Variants in ACSBG1 observed in about 807,000 individuals in gnomAD.
ACSBG1 encodes the protein acyl-CoA synthetase bubblegum family member 1, also known as long-chain-fatty-acid--CoA ligase ACSBG1.
Under a neutral mutation model 80.2 loss-of-function variants are expected in ACSBG1, and 39 were observed. That is an observed-to-expected ratio of 0.49 (90% CI 0.38 to 0.64). The LOEUF (loss-of-function observed/expected upper bound fraction) is 0.64, where lower values mean the gene tolerates loss of function less well. Ranked by LOEUF, ACSBG1 falls within the 30% of genes least tolerant of loss-of-function variation. The pLI is 0.00. For missense variants in ACSBG1, 828 were observed against 966.4 expected (o/e 0.86, Z 1.90); for synonymous variants, 392 against 379.5 (o/e 1.03, Z -0.38).
Position 78,170,349 on chromosome 15 carries a change from G to C in ACSBG1, c.*1095C>G, listed in dbSNP as rs1044157442. The C allele has an allele frequency of 4.0e-5, 6 of 151,712 alleles. No individual in the cohort carries two copies. The highest frequency in any genetic ancestry group is 1.5e-5 in the Non-Finnish European group (1 of 67,968). 9.4% of individuals were successfully genotyped at this position (151,712 alleles called of 1,614,324 possible). On this transcript the variant is annotated 3_prime_UTR_variant, in exon 14 of 14. Transcript: ENST00000258873. ...CTGTGGCTTTGCAAAATGTACCCAG[G>C]TCACAAGGGGATTTTTTTTTTTTTA... is the stretch of plus-strand genomic sequence containing the variant.
intron 5 of ACSBG1, among the ~76,000 whole-genome samples, chr15:78,185,947 C>T (rs1027307964): frequency 1.3e-5 from 2 of 152,024 alleles, no homozygotes; most frequent in African/African-American, 4.8e-5. Context: ...AAAACAAGCA[C>T]CTTTTCAGAC....
Position 78,179,799 on chromosome 15 carries a change from T to C in ACSBG1, c.1254-19A>G, listed in dbSNP as rs2074922510. The C allele has an allele frequency of 6.4e-7, 1 of 1,554,924 alleles. No homozygotes were observed. The highest frequency in any genetic ancestry group is 1.4e-5 in the African/African-American group (1 of 72,614). On this transcript the variant is annotated intron_variant, in intron 9 of 13. Coordinates refer to ENST00000258873, the MANE Select transcript of ACSBG1 (RefSeq NM_015162.5). ...CAGGTCGCTGGTGGGAGAGGGAGAA[T>C]GGTTCACAGAAGAAATCACACACAC...
chr15:78,224,888 G>A (rs546982741), intron 1 of ACSBG1, among the ~76,000 whole-genome samples: 1 of 152,170 alleles, frequency 6.6e-6, no homozygotes, highest in African/African-American at 2.4e-5. Context: ...CCTAAAAGAT[G>A]CAATAAGGCA....
In ACSBG1 at chr15:78,177,479, T is replaced by C. The variant is rs1396382012; in HGVS notation, c.1702+1135A>G. ...TTCTAAAAGGAGGGCCGGCTCTGGT[T>C]GAATTTGGTTTTCTGGCTACTATCC... is the stretch of plus-strand genomic sequence containing the variant. On this transcript the variant is annotated intron_variant, in intron 11 of 13. Transcript: ENST00000258873. The surrounding 1 kb of genome is among the most constrained non-coding windows in gnomAD (Gnocchi z 4.1). Among the ~76,000 whole-genome samples, 2 of 152,162 alleles carry C rather than the reference T, an allele frequency of 1.3e-5. No individual in the cohort carries two copies. The highest frequency in any genetic ancestry group is 2.9e-5 in the Non-Finnish European group (2 of 68,034).
chr15:78,175,884 C>T (rs2141321255), intron 11 of ACSBG1, among the ~76,000 whole-genome samples: 1 of 152,188 alleles, frequency 6.6e-6, no homozygotes, highest in Non-Finnish European at 1.5e-5. Flanking sequence ...AAATATGCCT[C>T]ATCATTGCTA....
Position 78,178,624 on chromosome 15 carries a change from C to T in ACSBG1, c.1692G>A (p.Gly564=), listed in dbSNP as rs964152708. 6.2e-6 allele frequency: 10 copies of T among 1,611,086 alleles called. No individual in the cohort carries two copies. Among genetic ancestry groups the T allele is most frequent in the African/African-American group, 1.3e-5 (1 of 74,922 alleles). ...LDADGFLYIT[G]RLKELIITAG... is the part of the protein sequence containing the mutation. Reference sequence around the variant, plus strand: ...GCCTGGGGTGCTCACCTTTGAGGCGCCCAGTGATGTAGAGGAAGCCATCGG... The same window carrying T: ...GCCTGGGGTGCTCACCTTTGAGGCGTCCAGTGATGTAGAGGAAGCCATCGG... The change falls in exon 11 of 14, where the codon GGG becomes GGA. Residue 564 remains glycine, a synonymous_variant. Coordinates refer to ENST00000258873, the MANE Select transcript of ACSBG1 (RefSeq NM_015162.5). This position sits in a 1 kb window ranked among gnomAD's most constrained non-coding sequence, Gnocchi z 4.3.
intron 1 of ACSBG1, among the ~76,000 whole-genome samples, chr15:78,233,830 C>T (rs905941579): frequency 3.3e-5 from 5 of 152,194 alleles, no homozygotes; most frequent in Non-Finnish European, 5.9e-5. Context: ...TTGGTGAATG[C>T]CTGATACGTT....
At chr15:78,200,318 T>G (rs989931711) in intron 2 of ACSBG1, among the ~76,000 whole-genome samples, 1 of 152,030 alleles carries the variant, frequency 6.6e-6, no homozygotes, top group African/African-American at 2.4e-5. Context: ...CTTGTCACCC[T>G]TGGGAAGGGT....
At chr15:78,208,160 G>T (rs2075234058) in intron 1 of ACSBG1, 58 bp from the exon 2 acceptor site, 1 of 1,360,472 alleles carries the variant, frequency 7.4e-7, no homozygotes, top group Non-Finnish European at 1.0e-6. Flanking sequence ...ACCGGCCTGG[G>T]CTTAGGGACT....
At chr15:78,196,845 C>T (rs2075119019) in intron 2 of ACSBG1, among the ~76,000 whole-genome samples, 1 of 151,858 alleles carries the variant, frequency 6.6e-6, no homozygotes, top group East Asian at 1.9e-4. Context: ...GGCGGGGTAT[C>T]ACTTGAGCCC....
intron 2 of ACSBG1, among the ~76,000 whole-genome samples, chr15:78,195,513 C>T (rs1199185711): frequency 4.6e-5 from 7 of 152,028 alleles, no homozygotes; most frequent in African/African-American, 1.5e-4. Context: ...GAACAGAGGT[C>T]TACCACTTAG....
In ACSBG1 at chr15:78,187,938, C is replaced by G. The variant is rs549436847; in HGVS notation, c.664-5153G>C. On this transcript the variant is annotated intron_variant, in intron 5 of 13. Coordinates refer to ENST00000258873, the MANE Select transcript of ACSBG1 (RefSeq NM_015162.5). ...TATCTAGAAAACCCCATTGTCTCAG[C>G]CCAAAATCTCCTTAAGCTGATAAGC... Among the ~76,000 whole-genome samples, 492 of 152,152 alleles carry G rather than the reference C, an allele frequency of 3.2e-3. 1 individual carries two copies. The highest frequency in any genetic ancestry group is 0.011 in the African/African-American group (456 of 41,526).
chr15:78,234,062 C>G (rs574475311), intron 1 of ACSBG1, among the ~76,000 whole-genome samples: 1 of 152,316 alleles, frequency 6.6e-6, no homozygotes, highest in South Asian at 2.1e-4. Context: ...CTTGAGGAGA[C>G]AGGGAAACAT....
At position 78,214,980 on chromosome 15, in the gene ACSBG1, T is replaced by A. The variant is rs1459467300; in HGVS notation, c.132-6878A>T. Among the ~76,000 whole-genome samples the A allele has an allele frequency of 3.3e-5, 5 of 152,182 alleles. 1 individual carries two copies. Among genetic ancestry groups the A allele is most frequent in the Admixed American group, 2.6e-4 (4 of 15,290 alleles). ...CACCCTAACAGTTTGACTCGAATAC[T>A]GGTCCTGAGCCTCTGATGCGTTAGG... On this transcript the variant is annotated intron_variant, in intron 1 of 13. Transcript: ENST00000258873.
chr15:78,173,299 C>T (rs540944812), intron 13 of ACSBG1, among the ~76,000 whole-genome samples: 19 of 120,402 alleles, frequency 1.6e-4, no homozygotes, highest in Middle Eastern at 7.2e-3. Flanking sequence ...GAGCCAAGGT[C>T]GTGCCATTGC....
chr15:78,192,333 C>T (rs2075064126), intron 5 of ACSBG1, among the ~76,000 whole-genome samples: 6 of 152,274 alleles, frequency 3.9e-5, no homozygotes, highest in Middle Eastern at 6.8e-3. Flanking sequence ...CTGGCAGGTC[C>T]AGCCCAAGTG....
At chr15:78,221,723 G>C (rs879518512) in intron 1 of ACSBG1, among the ~76,000 whole-genome samples, 2 of 152,052 alleles carry the variant, frequency 1.3e-5, no homozygotes, top group Admixed American at 1.3e-4. Context: ...GGCTTTCTTG[G>C]GCAGAGGTCC....
rs939111699 is a variant in ACSBG1 at position 78,169,918 on chromosome 15, A to G, written c.*1526T>C. 3.1e-4 allele frequency: 47 copies of G among 152,230 alleles called. No individual in the cohort carries two copies. Among genetic ancestry groups the G allele is most frequent in the Non-Finnish European group, 2.1e-4 (14 of 68,036 alleles). The allele number at this position is 152,230 out of a possible 1,614,324, so 9.4% of individuals were successfully genotyped here. Reference sequence around the variant, plus strand: ...GTAGTTCTGGGGGCGATACTGCCGAAAGGCCCGAACACATGTATTTTGGCT... The same window carrying G: ...GTAGTTCTGGGGGCGATACTGCCGAGAGGCCCGAACACATGTATTTTGGCT... On this transcript the variant is annotated 3_prime_UTR_variant, in exon 14 of 14. Coordinates refer to ENST00000258873, the MANE Select transcript of ACSBG1 (RefSeq NM_015162.5).
chr15:78,206,819 C>T lies in ACSBG1; in HGVS notation c.232+1183G>A, dbSNP rs555601592. On this transcript the variant is annotated intron_variant, in intron 2 of 13. Transcript: ENST00000258873. ...CCGCAGGGCTGGGGATTATGTGTTTCTCCCTCGGGATGCCAGATGCTTTTC... is the reference window on the plus strand; with the variant it reads ...CCGCAGGGCTGGGGATTATGTGTTTTTCCCTCGGGATGCCAGATGCTTTTC... 1.3e-5 allele frequency among the ~76,000 whole-genome samples: 2 copies of T among 152,380 alleles called. 1 individual carries two copies. The highest frequency in any genetic ancestry group is 4.1e-4 in the South Asian group (2 of 4,834).
Sources: gnomAD v4.1 joint callset for allele counts (sites outside exome capture counted in the v4.1 genomes callset) on GRCh38, gnomAD v4.1.1 for gene constraint, Gnocchi (gnomAD v3.1) non-coding constraint, MANE v1.5 for transcripts, NCBI Gene and HGNC (gene_info 2026-07-23, HGNC 2026-07-21) for gene names.